The following OTULIN variants were observed in gnomAD, a reference collection of about 807,000 sequenced individuals.
The protein encoded by OTULIN is ubiquitin thioesterase otulin.
A neutral mutation model predicts 39.6 loss-of-function variants in OTULIN; 15 were observed. That is an observed-to-expected ratio of 0.38 (90% confidence interval 0.25 to 0.58). The LOEUF is 0.58. Ranked by LOEUF, OTULIN falls within the 20% of genes least tolerant of loss-of-function variation. The pLI is 0.66. For synonymous variants in OTULIN, 156 were observed against 170.3 expected, an observed-to-expected ratio of 0.92 and a Z score of 0.65; for missense variants, 319 against 445.9, an observed-to-expected ratio of 0.72 and a Z score of 2.56.
rs1239099692 is a variant in OTULIN, at chr5:14,690,826, A to G, written c.864+518A>G. Among the ~76,000 whole-genome samples, 1 of 152,210 alleles carries G rather than the reference A, an allele frequency of 6.6e-6. No homozygotes were observed. On this transcript the variant is annotated intron_variant, in intron 6 of 6. Transcript: ENST00000284274. This position sits in a 1 kb window ranked among gnomAD's most constrained non-coding sequence, Gnocchi z 4.5. ...TGAGGGGTACCAAAGAATTGTGGACATACTTTACAGTCACCACCGTTATCT... is the reference window on the plus strand; with the variant it reads ...TGAGGGGTACCAAAGAATTGTGGACGTACTTTACAGTCACCACCGTTATCT...
At chr5:14,668,561 CTG>C (rs1360857811) in intron 1 of OTULIN, among the ~76,000 whole-genome samples, 1 of 152,168 alleles carries the variant, frequency 6.6e-6, no homozygotes, top group Non-Finnish European at 1.5e-5. Context: ...TTGGTTGACA[CTG>C]TCTCACCAAC....
chr5:14,713,117 C>T, the OTULIN span: 1 of 811,202 alleles, frequency 1.2e-6, no homozygotes, highest in Admixed American at 2.0e-5. The surrounding 1 kb of genome is among the most constrained non-coding windows in gnomAD (Gnocchi z 4.4). Context: ...GTAAGGGCCG[C>T]AGCTAATAAC....
At chr5:14,710,918 G>T in the OTULIN span, 1 of 428,824 alleles carries the variant, frequency 2.3e-6, no homozygotes. Context: ...TCAACCGTGA[G>T]GCAGCTGTGT....
chr5:14,696,201 G>A lies in OTULIN; in HGVS notation c.*3153G>A, dbSNP rs1023364814. 2 of 152,184 alleles carry A rather than the reference G, an allele frequency of 1.3e-5. No individual in the cohort carries two copies. Among genetic ancestry groups the A allele is most frequent in the African/African-American group, 4.8e-5 (2 of 41,446 alleles). The allele number at this position is 152,184 out of a possible 1,614,324, so 9.4% of individuals were successfully genotyped here. On this transcript the variant is annotated 3_prime_UTR_variant, in exon 7 of 7. Coordinates refer to ENST00000284274, the MANE Select transcript of OTULIN (RefSeq NM_138348.6). ...CTTTCTGAGGATCTTTTAGAGAGAG[G>A]CTGTGAAGTGCTGAATCACCTTTAA...
chr5:14,665,337 A>ATGC (rs1469804302), intron 1 of OTULIN, among the ~76,000 whole-genome samples: 2 of 152,128 alleles, frequency 1.3e-5, no homozygotes, highest in African/African-American at 2.4e-5. Context: ...GGAGGAAGTG[A>ATGC]GGTCGACCCT....
chr5:14,683,525 T>G (rs959788294), intron 4 of OTULIN, among the ~76,000 whole-genome samples: 1 of 152,252 alleles, frequency 6.6e-6, no homozygotes, highest in African/African-American at 2.4e-5. Flanking sequence ...TTGCTTTGCC[T>G]TATTTTAACT....
chr5:14,682,834 G>A (rs1431014277), intron 4 of OTULIN, among the ~76,000 whole-genome samples: 1 of 152,178 alleles, frequency 6.6e-6, no homozygotes, highest in Admixed American at 6.5e-5. Flanking sequence ...AACTGGGCTG[G>A]TCAGAGGCCA....
chr5:14,714,559 G>A, the OTULIN span, among the ~76,000 whole-genome samples: 1 of 152,174 alleles, frequency 6.6e-6, no homozygotes, highest in Admixed American at 6.5e-5. Context: ...TGGTTTGGAA[G>A]GAAGTCTTTG....
chr5:14,713,020 A>G, the OTULIN span: 4 of 1,566,182 alleles, frequency 2.6e-6, no homozygotes, highest in Non-Finnish European at 2.6e-6. This position sits in a 1 kb window ranked among gnomAD's most constrained non-coding sequence, Gnocchi z 4.4. Flanking sequence ...GGCCAAGTCA[A>G]GGCACAACCG....
At chr5:14,677,316 C>A (rs547101984) in intron 2 of OTULIN, among the ~76,000 whole-genome samples, 1 of 152,148 alleles carries the variant, frequency 6.6e-6, no homozygotes, top group South Asian at 2.1e-4. Context: ...GTTCCTAGCT[C>A]AATATTTGGT....
chr5:14,687,493 T>A (rs572995484), intron 4 of OTULIN, 28 bp from the exon 5 acceptor site: 1 of 1,606,398 alleles, frequency 6.2e-7, no homozygotes, highest in African/African-American at 1.3e-5. Flanking sequence ...TTAACACTTC[T>A]TTATCTCTTT....
the OTULIN span, chr5:14,710,913 C>T: frequency 1.7e-5 from 7 of 418,470 alleles, no homozygotes; most frequent in South Asian, 4.2e-5. Flanking sequence ...CAACGTCAAC[C>T]GTGAGGCAGC....
At chr5:14,682,647 G>A (rs1736283234) in intron 4 of OTULIN, among the ~76,000 whole-genome samples, 1 of 152,324 alleles carries the variant, frequency 6.6e-6, no homozygotes, top group South Asian at 2.1e-4. Flanking sequence ...TTTTAATTAT[G>A]CAAGCCCACT....
chr5:14,669,157 G>GC (rs1735922066), intron 1 of OTULIN, among the ~76,000 whole-genome samples: 2 of 151,338 alleles, frequency 1.3e-5, no homozygotes, highest in Non-Finnish European at 2.9e-5. Context: ...TCAGAGTCAG[G>GC]AGTTCACGAC....
Position 14,690,201 on chromosome 5 carries a change from G to C in OTULIN, c.757G>C (p.Val253Leu), listed in dbSNP as rs781221295. ...LYNDKEKGKEVPFFSVLLFAR... is the reference protein window; with the variant it reads ...LYNDKEKGKELPFFSVLLFAR... The stretch of plus-strand genomic sequence containing the variant: ...TAATGATAAAGAGAAAGGAAAGGAA[G>C]TACCATTTTTCTCTGTGCTTCTGTT... Residue 253 changes from valine (V) to leucine (L), a missense_variant, in exon 6 of 7, where the codon GTA (valine) becomes CTA (leucine). By Grantham distance (32) the Val-to-Leu change is conservative. Transcript: ENST00000284274. The surrounding 1 kb of genome is among the most constrained non-coding windows in gnomAD (Gnocchi z 4.5). 1 of 1,614,188 alleles carries C rather than the reference G, an allele frequency of 6.2e-7. No individual in the cohort carries two copies. The highest frequency in any genetic ancestry group is 8.5e-7 in the Non-Finnish European group (1 of 1,180,028).
chr5:14,671,778 A>C (rs1735984234), intron 1 of OTULIN, among the ~76,000 whole-genome samples: 1 of 152,246 alleles, frequency 6.6e-6, no homozygotes, highest in Non-Finnish European at 1.5e-5. Flanking sequence ...AAAAGAAATA[A>C]AAATTGATAA....
At chr5:14,680,425 G>A (rs753784153) in intron 3 of OTULIN, among the ~76,000 whole-genome samples, 5 of 152,192 alleles carry the variant, frequency 3.3e-5, no homozygotes, top group Non-Finnish European at 7.3e-5. Flanking sequence ...TCCACCCCAC[G>A]ATGAGGGTAA....
Position 14,690,332 on chromosome 5 carries a change from A to T in OTULIN, c.864+24A>T, listed in dbSNP as rs750954378. 1 of 1,604,648 alleles carries T rather than the reference A, an allele frequency of 6.2e-7. No homozygotes were observed. Among genetic ancestry groups the T allele is most frequent in the Non-Finnish European group, 8.5e-7 (1 of 1,175,444 alleles). On this transcript the variant is annotated intron_variant, in intron 6 of 6. Transcript: ENST00000284274. The surrounding 1 kb of genome is among the most constrained non-coding windows in gnomAD (Gnocchi z 4.5). ...AGGTAAGTTGTGCTTTTGAGCATGTATTACCCCAAAATAAAGCAGCTTTAC... is the reference window on the plus strand; with the variant it reads ...AGGTAAGTTGTGCTTTTGAGCATGTTTTACCCCAAAATAAAGCAGCTTTAC...
At chr5:14,700,791 T>G (rs777221339), downstream of OTULIN, among the ~76,000 whole-genome samples, 2 of 152,110 alleles carry the variant, frequency 1.3e-5, no homozygotes, top group Non-Finnish European at 2.9e-5. Flanking sequence ...TTTGGCTGTT[T>G]AAGACATAAT....
Sources: gnomAD v4.1 joint callset for allele counts (sites outside exome capture counted in the v4.1 genomes callset) on GRCh38, gnomAD v4.1.1 for gene constraint, Gnocchi (gnomAD v3.1) non-coding constraint, MANE v1.5 for transcripts, NCBI Gene and HGNC (gene_info 2026-07-23, HGNC 2026-07-21) for gene names.